The following ANKMY1 variants were observed in gnomAD, a reference collection of about 807,000 sequenced individuals.
The protein encoded by ANKMY1 is ankyrin repeat and MYND domain-containing protein 1.
ANKMY1 carries 98 observed loss-of-function variants against 102.0 expected under a neutral mutation model. The observed-to-expected ratio is 0.96, with a 90% CI of 0.82 to 1.14. The LOEUF (loss-of-function observed/expected upper bound fraction) is 1.14, where lower values mean the gene tolerates loss of function less well. Ranked by LOEUF, ANKMY1 falls within the 50% of genes most tolerant of loss-of-function variation. ANKMY1 has a pLI of 0.00. For missense variants in ANKMY1, 1,330 were observed against 1,347.6 expected, an observed-to-expected ratio of 0.99 and a Z score of 0.20; for synonymous variants, 582 against 559.9, an observed-to-expected ratio of 1.04 and a Z score of -0.56.
chr2:240,484,008 C>T (rs1482193972), intron 15 of ANKMY1, among the ~76,000 whole-genome samples: 1 of 152,224 alleles, frequency 6.6e-6, no homozygotes, highest in Non-Finnish European at 1.5e-5. Flanking sequence ...CTGCAAAGGA[C>T]ATGAACTCAG....
At chr2:240,549,026 T>C (rs1373208797) in intron 4 of ANKMY1, among the ~76,000 whole-genome samples, 1 of 151,940 alleles carries the variant, frequency 6.6e-6, no homozygotes, top group Non-Finnish European at 1.5e-5. Flanking sequence ...TTAAAGTTCA[T>C]ATGGAATCAA....
intron 13 of ANKMY1, among the ~76,000 whole-genome samples, chr2:240,504,302 C>T (rs759565117): frequency 5.3e-5 from 8 of 152,156 alleles, no homozygotes; most frequent in Non-Finnish European, 1.2e-4. Flanking sequence ...TCCCATGAAA[C>T]CATCATAGAG....
At chr2:240,543,284 C>T (rs987801534) in intron 4 of ANKMY1, among the ~76,000 whole-genome samples, 3 of 150,448 alleles carry the variant, frequency 2.0e-5, no homozygotes, top group Admixed American at 1.3e-4. Flanking sequence ...ACCTGGGAAG[C>T]GGAGCTTGCA....
At chr2:240,557,454 C>T in intron 1 of ANKMY1, 102 bp from the exon 2 acceptor site, 1 of 1,347,084 alleles carries the variant, frequency 7.4e-7, no homozygotes, top group Non-Finnish European at 9.7e-7. Flanking sequence ...TCAGAGAACC[C>T]AAGCCCCTCC....
intron 9 of ANKMY1, among the ~76,000 whole-genome samples, chr2:240,519,145 CTG>C (rs1368187952): frequency 6.6e-6 from 1 of 152,272 alleles, no homozygotes; most frequent in Non-Finnish European, 1.5e-5. Context: ...AATGGGCCCC[CTG>C]TTCTGGGGGC....
the ANKMY1 span, among the ~76,000 whole-genome samples, chr2:240,473,144 AAAAAC>A: frequency 6.6e-6 from 1 of 150,924 alleles, no homozygotes; most frequent in African/African-American, 2.4e-5. Flanking sequence ...AAAAAACAAA[AAAAAC>A]CACCAAAAGA....
At chr2:240,512,706 C>G (rs148140332) in intron 10 of ANKMY1, 96 bp downstream of exon 10, 123 of 1,430,638 alleles carry the variant, frequency 8.6e-5, no homozygotes, top group Non-Finnish European at 1.1e-4. Flanking sequence ...GGAGGCCCAT[C>G]ATGCTCGGCA....
the ANKMY1 span, among the ~76,000 whole-genome samples, chr2:240,473,130 AAAAAAAAAAC>A: frequency 1.5e-4 from 22 of 150,746 alleles, no homozygotes; most frequent in African/African-American, 5.3e-4. Context: ...GTCTAAAAAA[AAAAAAAAAAC>A]AAAAAAAACC....
intron 2 of ANKMY1, 89 bp from the exon 3 acceptor site, chr2:240,555,144 C>A (rs1251922490): frequency 2.2e-6 from 3 of 1,350,598 alleles, no homozygotes; most frequent in African/African-American, 2.9e-5. Context: ...CACAACCCAG[C>A]ATCTCATTTC....
chr2:240,539,911 C>T (rs2152507116), intron 4 of ANKMY1, among the ~76,000 whole-genome samples: 1 of 152,322 alleles, frequency 6.6e-6, no homozygotes, highest in South Asian at 2.1e-4. Context: ...GCTATACCCC[C>T]TCCCTTTTGG....
At position 240,511,957 on chromosome 2, in the gene ANKMY1, G is replaced by A; in HGVS notation, c.2190C>T (p.Gly730=). The change falls in exon 11 of 18, where the codon GGC becomes GGT. Residue 730 remains glycine (G), a synonymous_variant. Coordinates refer to ENST00000401804, the MANE Select transcript of ANKMY1 (RefSeq NM_001282771.3). ...PSSLKLSNEP[G]PPQAYYSTDT... is the part of the protein sequence containing the mutation. ...CCGTGCTGTAGTAGGCTTGGGGAGG[G>A]CCTGGCTCATTGCTGAGCTTCAGAC... is the stretch of plus-strand genomic sequence containing the variant. 1 of 1,565,880 alleles carries A rather than the reference G, an allele frequency of 6.4e-7. No homozygotes were observed.
At chr2:240,483,262 T>C (rs2075647060) in intron 15 of ANKMY1, among the ~76,000 whole-genome samples, 1 of 152,162 alleles carries the variant, frequency 6.6e-6, no homozygotes, top group Admixed American at 6.6e-5. Context: ...GTCCAAGTGA[T>C]TCTCCTGCCT....
At chr2:240,479,718 C>G in intron 17 of ANKMY1, 63 bp from the exon 18 acceptor site, 1 of 1,507,292 alleles carries the variant, frequency 6.6e-7, no homozygotes, top group Non-Finnish European at 9.2e-7. Flanking sequence ...CCCCCGAGGC[C>G]TGGCTCCAGA....
intron 12 of ANKMY1, among the ~76,000 whole-genome samples, chr2:240,508,334 G>A (rs1041665404): frequency 1.3e-5 from 2 of 152,236 alleles, no homozygotes; most frequent in Non-Finnish European, 2.9e-5. Flanking sequence ...CCCTGAGCAG[G>A]GGCCCCACAT....
chr2:240,556,146 A>G lies in ANKMY1; in HGVS notation c.146+1044T>C, dbSNP rs748656868. On this transcript the variant is annotated intron_variant, in intron 2 of 17. Transcript: ENST00000401804. ...TCCCATCATGGGCTCCATCTTCACC[A>G]CCCCATCTAAACCCAGCCACCTCCC... 2.8e-4 allele frequency among the ~76,000 whole-genome samples: 43 copies of G among 151,908 alleles called. 1 individual carries two copies. The Middle Eastern group carries it at 0.017, about 60-fold the overall frequency.
At chr2:240,477,503 C>T (rs2074933753), downstream of ANKMY1, among the ~76,000 whole-genome samples, 1 of 152,142 alleles carries the variant, frequency 6.6e-6, no homozygotes, top group Non-Finnish European at 1.5e-5. Flanking sequence ...TCAAGCAATC[C>T]TCCCACCACA....
rs754606768 is a variant in ANKMY1, at chr2:240,500,059, G to C, written c.2705C>G (p.Ala902Gly). 1 of 1,612,432 alleles carries C rather than the reference G, an allele frequency of 6.2e-7. No individual in the cohort carries two copies. The highest frequency in any genetic ancestry group is 1.7e-5 in the Admixed American group (1 of 59,884). Residue 902 changes from alanine (A) to glycine (G), a missense_variant, in exon 15 of 18, where the codon GCG (alanine) becomes GGG (glycine). Coordinates refer to ENST00000401804, the MANE Select transcript of ANKMY1 (RefSeq NM_001282771.3). ...LMPAERETFL[A>G]RKRLLEYMGL... is the part of the protein sequence containing the mutation. Reference sequence around the variant, plus strand: ...CATGTACTCCAGGAGCCGCTTCCGCGCCAGGAACGTCTCGCGCTCTGCTGG... The same window carrying C: ...CATGTACTCCAGGAGCCGCTTCCGCCCCAGGAACGTCTCGCGCTCTGCTGG...
intron 2 of ANKMY1, chr2:240,555,302 C>T: frequency 5.6e-6 from 3 of 535,188 alleles, no homozygotes; most frequent in Non-Finnish European, 1.0e-5. Context: ...TGCTGCCAGG[C>T]TCTAGAGGCA....
chr2:240,504,670 T>A (rs1357941254), intron 13 of ANKMY1, among the ~76,000 whole-genome samples: 1 of 152,102 alleles, frequency 6.6e-6, no homozygotes, highest in Non-Finnish European at 1.5e-5. Flanking sequence ...CATGAAAAGA[T>A]GTCCAACATC....
Sources: gnomAD v4.1 joint callset for allele counts (sites outside exome capture counted in the v4.1 genomes callset) on GRCh38, gnomAD v4.1.1 for gene constraint, MANE v1.5 for transcripts, NCBI Gene and HGNC (gene_info 2026-07-23, HGNC 2026-07-21) for gene names.